LRRIQ1: variants seen among roughly 807,000 people sequenced by gnomAD.
LRRIQ1 encodes leucine-rich repeat- and IQ domain-containing protein 1.
LRRIQ1 carries 210 observed loss-of-function variants against 211.9 expected under a neutral mutation model. The ratio of observed to expected loss-of-function variants is 0.99; its 90% CI spans 0.89 to 1.11. The LOEUF (loss-of-function observed/expected upper bound fraction) is 1.11, where lower values mean the gene tolerates loss of function less well. Among genes scored for constraint, LRRIQ1 ranks in the 50% most tolerant of loss-of-function variants. The pLI is 0.00. For missense variants in LRRIQ1, 2,136 were observed against 1,939.5 expected (o/e 1.10, Z -1.90); for synonymous variants, 699 against 650.1 (o/e 1.08, Z -1.14).
At chr12:85,103,239 A>C (rs920086992) in intron 13 of LRRIQ1, among the ~76,000 whole-genome samples, 1 of 150,868 alleles carries the variant, frequency 6.6e-6, no homozygotes, top group East Asian at 1.9e-4. Flanking sequence ...GACAATAAAA[A>C]CCTTTAAATG....
At chr12:85,154,813 A>C (rs1436412405) in intron 23 of LRRIQ1, among the ~76,000 whole-genome samples, 1 of 151,220 alleles carries the variant, frequency 6.6e-6, no homozygotes, top group Non-Finnish European at 1.5e-5. Context: ...TCTTTTGTAC[A>C]TCAGTTTTGT....
intron 26 of LRRIQ1, among the ~76,000 whole-genome samples, chr12:85,233,889 A>C (rs1036588018): frequency 5.3e-5 from 8 of 152,146 alleles, no homozygotes; most frequent in African/African-American, 1.9e-4. Context: ...ACCTTAGAGC[A>C]AGAATTGAGA....
chr12:85,133,238 T>G (rs2136513054), intron 18 of LRRIQ1, among the ~76,000 whole-genome samples: 2 of 152,282 alleles, frequency 1.3e-5, no homozygotes, highest in Non-Finnish European at 1.5e-5. Flanking sequence ...ATTTTGACCT[T>G]TCTTGAAAAT....
chr12:85,179,689 C>T (rs368362024), intron 24 of LRRIQ1, among the ~76,000 whole-genome samples: 1 of 151,922 alleles, frequency 6.6e-6, no homozygotes, highest in East Asian at 1.9e-4. Context: ...AACCTTTATG[C>T]TGTTTCCTTT....
chr12:85,147,096 G>T (rs1410951222), intron 19 of LRRIQ1, among the ~76,000 whole-genome samples: 1 of 151,792 alleles, frequency 6.6e-6, no homozygotes, highest in Non-Finnish European at 1.5e-5. Flanking sequence ...TGATTAGCTT[G>T]TGTCACAACT....
intron 3 of LRRIQ1, among the ~76,000 whole-genome samples, chr12:85,043,436 A>C (rs1879140184): frequency 6.6e-6 from 1 of 152,074 alleles, no homozygotes; most frequent in African/African-American, 2.4e-5. Flanking sequence ...CGCTCCTCAG[A>C]TCATGTAGAT....
intron 7 of LRRIQ1, among the ~76,000 whole-genome samples, chr12:85,054,058 T>A (rs1880678255): frequency 6.6e-6 from 1 of 152,242 alleles, no homozygotes; most frequent in African/African-American, 2.4e-5. Flanking sequence ...TATCTATGAT[T>A]GCAAATTTGA....
intron 3 of LRRIQ1, among the ~76,000 whole-genome samples, chr12:85,042,822 T>C (rs537218218): frequency 2.9e-4 from 44 of 152,072 alleles, no homozygotes; most frequent in Non-Finnish European, 5.4e-4. Flanking sequence ...TACAACCTAT[T>C]AAGGAGCAAA....
downstream of LRRIQ1, among the ~76,000 whole-genome samples, chr12:85,266,669 G>A (rs56166460): frequency 0.13 from 20,097 of 152,148 alleles, 1,810 homozygotes; most frequent in Middle Eastern, 0.2. Context: ...GGATCATGAG[G>A]CTTCATTAGA....
At chr12:85,137,815 T>C (rs1347403469) in intron 18 of LRRIQ1, 35 bp from the exon 19 acceptor site, 7 of 1,542,508 alleles carry the variant, frequency 4.5e-6, no homozygotes, top group Admixed American at 4.4e-5. Flanking sequence ...GTTTGATCTA[T>C]AACTTTGTAT....
intron 24 of LRRIQ1, among the ~76,000 whole-genome samples, chr12:85,178,330 A>G (rs530014226): frequency 6.6e-6 from 1 of 152,144 alleles, no homozygotes; most frequent in East Asian, 1.9e-4. Flanking sequence ...TGAAAATATT[A>G]TTCCACCTCC....
At chr12:85,251,444 G>T (rs117491749) in intron 1 of LRRIQ1, among the ~76,000 whole-genome samples, 1 of 151,834 alleles carries the variant, frequency 6.6e-6, no homozygotes, top group East Asian at 1.9e-4. Context: ...TTAATATGCC[G>T]ATTTAGGTTT....
chr12:85,155,894 G>A (rs1285090300), intron 23 of LRRIQ1, among the ~76,000 whole-genome samples: 1 of 151,456 alleles, frequency 6.6e-6, no homozygotes, highest in African/African-American at 2.4e-5. Flanking sequence ...ATTCAGTAAG[G>A]AATATATGCT....
intron 7 of LRRIQ1, among the ~76,000 whole-genome samples, chr12:85,053,551 G>C (rs1265257936): frequency 1.3e-5 from 2 of 152,120 alleles, no homozygotes; most frequent in Admixed American, 1.3e-4. Context: ...AATGATAATG[G>C]TTTCTTTGTT....
chr12:85,153,052 C>G lies in LRRIQ1; in HGVS notation c.4448C>G (p.Thr1483Ser). ...CCTGGAAACTTAAAATGGGATGATA[C>G]TTCATTTAATTTACCAAGTAATCCA... is the stretch of plus-strand genomic sequence containing the variant. Reference protein sequence around the residue: ...KIPGNLKWDDTSFNLPSNPAQ... With the variant: ...KIPGNLKWDDSSFNLPSNPAQ... The change falls in exon 21 of 27, where the codon ACT becomes AGT. Residue 1483 changes from threonine to serine, a missense_variant. By Grantham distance (58) the Thr-to-Ser change is moderately conservative. Coordinates refer to ENST00000393217, the MANE Select transcript of LRRIQ1 (RefSeq NM_001079910.2). 5 of 1,577,070 alleles carry G rather than the reference C, an allele frequency of 3.2e-6. No homozygotes were observed. The highest frequency in any genetic ancestry group is 4.3e-6 in the Non-Finnish European group (5 of 1,155,284).
chr12:85,234,950 A>G (rs992160655), intron 26 of LRRIQ1, among the ~76,000 whole-genome samples: 3 of 152,192 alleles, frequency 2.0e-5, no homozygotes, highest in Non-Finnish European at 4.4e-5. Context: ...CAATAATTAG[A>G]CTGACAGCTA....
At chr12:85,201,762 GTTTT>G (rs759204058) in intron 24 of LRRIQ1, among the ~76,000 whole-genome samples, 2 of 151,930 alleles carry the variant, frequency 1.3e-5, no homozygotes, top group Non-Finnish European at 2.9e-5. Context: ...TCGTTTGTAT[GTTTT>G]TTTGTTTGTT....
rs1041610427 is a variant in LRRIQ1 at position 85,098,372 on chromosome 12, A to C, written c.2905A>C (p.Lys969Gln). The change falls in exon 12 of 27, where the codon AAA becomes CAA. Residue 969 changes from lysine to glutamine, a missense_variant. By Grantham distance (53) the Lys-to-Gln change is moderately conservative (BLOSUM62 1). Coordinates refer to ENST00000393217, the MANE Select transcript of LRRIQ1 (RefSeq NM_001079910.2). ...TCTTCTAGGTGGTTTAGAATCTTTG[A>C]AAAATCTTCAACAACTAATTTTGGA... ...LYWNCGLESLKNLQQLILDHN... is the reference protein window; with the variant it reads ...LYWNCGLESLQNLQQLILDHN... The C allele has an allele frequency of 2.5e-6, 4 of 1,606,664 alleles. No individual in the cohort carries two copies. Among genetic ancestry groups the C allele is most frequent in the African/African-American group, 1.3e-5 (1 of 74,696 alleles).
At chr12:85,055,023 G>T (rs887941612) in intron 7 of LRRIQ1, among the ~76,000 whole-genome samples, 1 of 152,062 alleles carries the variant, frequency 6.6e-6, no homozygotes, top group Non-Finnish European at 1.5e-5. Context: ...ATTGAGAAGG[G>T]ATAAGATATG....
Sources: gnomAD v4.1 joint callset for allele counts (sites outside exome capture counted in the v4.1 genomes callset) on GRCh38, gnomAD v4.1.1 for gene constraint, MANE v1.5 for transcripts, NCBI Gene and HGNC (gene_info 2026-07-23, HGNC 2026-07-21) for gene names.